The following LRFN2 variants were observed in gnomAD, a reference collection of about 807,000 sequenced individuals.
LRFN2 encodes the protein leucine rich repeat and fibronectin type III domain containing 2.
LRFN2 carries 18 observed loss-of-function variants against 37.3 expected under a neutral mutation model. The ratio of observed to expected loss-of-function variants is 0.48; its 90% CI spans 0.33 to 0.72. The LOEUF is 0.72. Among genes scored for constraint, LRFN2 ranks in the 30% least tolerant of loss-of-function variants. LRFN2 has a pLI of 0.02. For missense variants in LRFN2, 1,006 were observed against 1,060.7 expected, an observed-to-expected ratio of 0.95 and a Z score of 0.72; for synonymous variants, 556 against 466.6, an observed-to-expected ratio of 1.19 and a Z score of -2.47.
Position 40,432,328 on chromosome 6 carries a change from C to T in LRFN2, c.786G>A (p.Leu262=). ...GGCCCCCTGGGGAGCCACAGGTTTC[C>T]AGGTCATCGTCCCGCTCGAGCCTCC... is the stretch of plus-strand genomic sequence containing the variant. The part of the protein sequence containing the change: ...WLRRLERDDD[L]ETCGSPGGLK... The change falls in exon 2 of 3, where the codon CTG becomes CTA. Residue 262 remains leucine (L), a synonymous_variant. Coordinates refer to ENST00000338305, the MANE Select transcript of LRFN2 (RefSeq NM_020737.3). 1 of 1,614,144 alleles carries T rather than the reference C, an allele frequency of 6.2e-7. No individual in the cohort carries two copies. The highest frequency in any genetic ancestry group is 8.5e-7 in the Non-Finnish European group (1 of 1,180,044).
At chr6:40,529,181 A>C (rs1453352818) in intron 1 of LRFN2, among the ~76,000 whole-genome samples, 1 of 152,140 alleles carries the variant, frequency 6.6e-6, no homozygotes, top group Non-Finnish European at 1.5e-5. Flanking sequence ...AAGCAGAGAG[A>C]GCAGGGCAGC....
chr6:40,503,439 G>A (rs988222810), intron 1 of LRFN2, among the ~76,000 whole-genome samples: 1 of 152,176 alleles, frequency 6.6e-6, no homozygotes, highest in Non-Finnish European at 1.5e-5. Flanking sequence ...GCCGATGGAG[G>A]GCGGTCCTCT....
At chr6:40,561,108 T>C (rs1766985519) in intron 1 of LRFN2, among the ~76,000 whole-genome samples, 1 of 152,090 alleles carries the variant, frequency 6.6e-6, no homozygotes, top group African/African-American at 2.4e-5. Context: ...TCAGAGACAT[T>C]GCAGTTTCTA....
intron 1 of LRFN2, among the ~76,000 whole-genome samples, chr6:40,563,612 C>G (rs918656150): frequency 6.6e-6 from 1 of 152,162 alleles, no homozygotes; most frequent in African/African-American, 2.4e-5. Flanking sequence ...AGCTGAGTCC[C>G]CAGACATTCT....
intron 2 of LRFN2, among the ~76,000 whole-genome samples, chr6:40,401,758 A>G (rs1197650261): frequency 6.6e-6 from 1 of 151,830 alleles, no homozygotes; most frequent in Non-Finnish European, 1.5e-5. Context: ...AACAAATACC[A>G]CCTCTTGTAT....
At chr6:40,563,906 A>G (rs980883743) in intron 1 of LRFN2, among the ~76,000 whole-genome samples, 5 of 152,178 alleles carry the variant, frequency 3.3e-5, no homozygotes, top group Non-Finnish European at 5.9e-5. Context: ...TGTGCCCACA[A>G]GGTGCTGGAT....
intron 1 of LRFN2, among the ~76,000 whole-genome samples, chr6:40,533,408 C>T (rs1404710978): frequency 1.3e-5 from 2 of 151,178 alleles, no homozygotes; most frequent in East Asian, 3.9e-4. Context: ...CACACACACA[C>T]ACACACTTGA....
chr6:40,538,057 C>T (rs2436748), intron 1 of LRFN2, among the ~76,000 whole-genome samples: 4,250 of 152,274 alleles, frequency 0.028, 213 homozygotes, highest in African/African-American at 0.096. Flanking sequence ...CCACAATCAC[C>T]AACGCTCGCC....
intron 1 of LRFN2, among the ~76,000 whole-genome samples, chr6:40,545,553 G>A (rs1319517835): frequency 6.6e-6 from 1 of 152,212 alleles, no homozygotes; most frequent in African/African-American, 2.4e-5. Context: ...TGGAGTGGTG[G>A]AGGGGAGAGG....
intron 1 of LRFN2, among the ~76,000 whole-genome samples, chr6:40,548,889 A>C (rs1456724591): frequency 1.3e-5 from 2 of 152,236 alleles, no homozygotes; most frequent in South Asian, 2.1e-4. Context: ...ATGAAGCTGA[A>C]TTCTGACAAA....
chr6:40,410,066 G>A (rs1280768403), intron 2 of LRFN2, among the ~76,000 whole-genome samples: 1 of 152,164 alleles, frequency 6.6e-6, no homozygotes, highest in Non-Finnish European at 1.5e-5. Flanking sequence ...CCTATAGCAG[G>A]AGGTCTCAGG....
intron 1 of LRFN2, among the ~76,000 whole-genome samples, chr6:40,579,811 C>A (rs1438586865): frequency 1.3e-5 from 2 of 152,070 alleles, no homozygotes; most frequent in African/African-American, 4.8e-5. Context: ...GGTAATTCAC[C>A]TTTGCAGTGT....
intron 1 of LRFN2, among the ~76,000 whole-genome samples, chr6:40,495,018 T>A (rs1765192547): frequency 6.6e-6 from 1 of 152,198 alleles, no homozygotes; most frequent in Admixed American, 6.5e-5. Context: ...GGCACCTGCA[T>A]CCATCAGCTG....
At chr6:40,491,480 G>A (rs1281619732) in intron 1 of LRFN2, among the ~76,000 whole-genome samples, 1 of 152,064 alleles carries the variant, frequency 6.6e-6, no homozygotes, top group Non-Finnish European at 1.5e-5. Flanking sequence ...CTGTGGGTAG[G>A]TAGGCAGCTT....
chr6:40,495,778 C>T (rs983420936), intron 1 of LRFN2, among the ~76,000 whole-genome samples: 4 of 152,184 alleles, frequency 2.6e-5, no homozygotes, highest in African/African-American at 9.7e-5. Context: ...ATCCTTAACC[C>T]TCTTCTCTTC....
intron 1 of LRFN2, among the ~76,000 whole-genome samples, chr6:40,488,070 T>C (rs1765007953): frequency 6.6e-6 from 1 of 152,084 alleles, no homozygotes; most frequent in Non-Finnish European, 1.5e-5. Flanking sequence ...TTTTCTTTTG[T>C]TGGGAAGACG....
At chr6:40,408,176 G>C (rs1029856765) in intron 2 of LRFN2, among the ~76,000 whole-genome samples, 20 of 152,140 alleles carry the variant, frequency 1.3e-4, no homozygotes, top group African/African-American at 3.9e-4. Flanking sequence ...ACAATATGAT[G>C]TATTTAGTGC....
At chr6:40,520,936 G>A (rs1361964054) in intron 1 of LRFN2, among the ~76,000 whole-genome samples, 1 of 152,150 alleles carries the variant, frequency 6.6e-6, no homozygotes, top group Non-Finnish European at 1.5e-5. Flanking sequence ...CAGGCAAGCT[G>A]AGAGTTAGAG....
intron 1 of LRFN2, among the ~76,000 whole-genome samples, chr6:40,433,748 C>T (rs952735953): frequency 6.6e-6 from 1 of 152,142 alleles, no homozygotes; most frequent in Non-Finnish European, 1.5e-5. Flanking sequence ...GGAACTGTTT[C>T]ACCAAGGAGA....
Sources: gnomAD v4.1 joint callset for allele counts (sites outside exome capture counted in the v4.1 genomes callset) on GRCh38, gnomAD v4.1.1 for gene constraint, MANE v1.5 for transcripts, NCBI Gene and HGNC (gene_info 2026-07-23, HGNC 2026-07-21) for gene names.